TLL2: variants seen among roughly 807,000 people sequenced by gnomAD.
TLL2 encodes the protein tolloid-like protein 2.
Under a neutral mutation model 123.0 loss-of-function variants are expected in TLL2, and 106 were observed. That is an observed-to-expected ratio of 0.86 (90% CI 0.74 to 1.01). The LOEUF (loss-of-function observed/expected upper bound fraction) is 1.01, where lower values mean the gene tolerates loss of function less well. TLL2 is among the 50% of genes least tolerant of loss of function. The pLI, the probability that TLL2 is intolerant of heterozygous loss-of-function variation, is 0.00. For missense variants in TLL2, 1,332 were observed against 1,336.7 expected, an observed-to-expected ratio of 1.00 and a Z score of 0.06; for synonymous variants, 494 against 516.8, an observed-to-expected ratio of 0.96 and a Z score of 0.60.
chr10:96,476,240 A>AT (rs1554939630), intron 2 of TLL2, among the ~76,000 whole-genome samples: 1,616 of 20,472 alleles, frequency 0.079, 215 homozygotes, highest in Middle Eastern at 0.13. Flanking sequence ...ATATATATAT[A>AT]TTTTATTTTT....
At chr10:96,483,220 G>C (rs1383764698) in intron 1 of TLL2, among the ~76,000 whole-genome samples, 1 of 152,148 alleles carries the variant, frequency 6.6e-6, no homozygotes, top group Non-Finnish European at 1.5e-5. Flanking sequence ...CCCCCATGAA[G>C]GGCATATTCT....
Position 96,366,884 on chromosome 10 carries a change from TG to T in TLL2, c.*1203del, listed in dbSNP as rs745839020. ...GAAATGCCATTCAAAACTACCTCAC[TG>T]TTTAAATTATACCTTGAGGTGCTAA... On this transcript the variant is annotated 3_prime_UTR_variant, in exon 21 of 21. Transcript: ENST00000357947. The T allele has an allele frequency of 1.3e-5, 2 of 152,692 alleles. No homozygotes were observed. Among genetic ancestry groups the T allele is most frequent in the Non-Finnish European group, 2.9e-5 (2 of 68,048 alleles). 9.5% of individuals were successfully genotyped at this position (152,692 alleles called of 1,614,324 possible).
chr10:96,500,144 CA>C (rs57153896), intron 1 of TLL2, among the ~76,000 whole-genome samples: 12,676 of 120,798 alleles, frequency 0.1, 598 homozygotes, highest in Non-Finnish European at 0.11. Flanking sequence ...AAATCTCTAC[CA>C]AAAAAAAAAA....
At chr10:96,485,801 G>A (rs981841677) in intron 1 of TLL2, among the ~76,000 whole-genome samples, 7 of 152,156 alleles carry the variant, frequency 4.6e-5, no homozygotes, top group East Asian at 3.8e-4. Flanking sequence ...GATGGTTTCC[G>A]GCTGCCTGCG....
chr10:96,371,681 C>G (rs1233098717), intron 19 of TLL2, among the ~76,000 whole-genome samples: 1 of 152,202 alleles, frequency 6.6e-6, no homozygotes, highest in Non-Finnish European at 1.5e-5. Context: ...GACGCCTCCC[C>G]TCCATCCGGC....
At chr10:96,498,846 G>A (rs371580799) in intron 1 of TLL2, among the ~76,000 whole-genome samples, 22 of 152,182 alleles carry the variant, frequency 1.4e-4, no homozygotes, top group African/African-American at 4.1e-4. Flanking sequence ...CAGACTGGAA[G>A]GAGCTTGGAT....
At chr10:96,401,830 G>A (rs1405601474) in intron 10 of TLL2, among the ~76,000 whole-genome samples, 2 of 152,184 alleles carry the variant, frequency 1.3e-5, no homozygotes, top group East Asian at 3.9e-4. Flanking sequence ...CCCATTCCTG[G>A]GAGGTGGGGG....
Position 96,421,024 on chromosome 10 carries a change from T to G in TLL2, c.855A>C (p.Glu285Asp). The part of the protein sequence containing the change: ...EYNFLKMEAG[E>D]VSSLGETYDF... The stretch of plus-strand genomic sequence containing the variant: ...CGTATGTCTCTCCCAGAGAGCTCAC[T>G]TCCCCAGCTTCCATTTTTAAGAAAT... Residue 285 changes from glutamate (E) to aspartate (D), a missense_variant, in exon 7 of 21, where the codon GAA becomes GAC. Glu to Asp is a conservative substitution (Grantham distance 45). Coordinates refer to ENST00000357947, the MANE Select transcript of TLL2 (RefSeq NM_012465.4). 6.2e-7 allele frequency: 1 copy of G among 1,614,080 alleles called. No homozygotes were observed. Among genetic ancestry groups the G allele is most frequent in the Non-Finnish European group, 8.5e-7 (1 of 1,179,938 alleles).
intron 3 of TLL2, among the ~76,000 whole-genome samples, chr10:96,433,643 GATAA>G (rs1846766264): frequency 6.6e-6 from 1 of 152,154 alleles, no homozygotes; most frequent in Admixed American, 6.5e-5. Flanking sequence ...TCACCAGTCA[GATAA>G]TTTAAAATTT....
chr10:96,505,377 G>T (rs750621715), intron 1 of TLL2, among the ~76,000 whole-genome samples: 3 of 152,228 alleles, frequency 2.0e-5, no homozygotes, highest in Non-Finnish European at 4.4e-5. Context: ...GGGACACAAA[G>T]CCAGATCACT....
At chr10:96,389,315 G>A (rs899353204) in intron 13 of TLL2, among the ~76,000 whole-genome samples, 6 of 152,150 alleles carry the variant, frequency 3.9e-5, no homozygotes, top group South Asian at 2.1e-4. Flanking sequence ...ACAGACCATC[G>A]GCACACAGAA....
At chr10:96,504,788 C>G (rs369292039) in intron 1 of TLL2, among the ~76,000 whole-genome samples, 1 of 152,184 alleles carries the variant, frequency 6.6e-6, no homozygotes, top group Non-Finnish European at 1.5e-5. Flanking sequence ...GAGCAGATCA[C>G]GAGGTCAGGA....
intron 5 of TLL2, among the ~76,000 whole-genome samples, chr10:96,425,502 T>C (rs1846670922): frequency 6.6e-6 from 1 of 151,994 alleles, no homozygotes; most frequent in Non-Finnish European, 1.5e-5. Flanking sequence ...ATGCTTTCTA[T>C]TTTTACTTTT....
At chr10:96,469,300 C>T (rs1847156736) in intron 2 of TLL2, among the ~76,000 whole-genome samples, 1 of 152,266 alleles carries the variant, frequency 6.6e-6, no homozygotes, top group Non-Finnish European at 1.5e-5. Flanking sequence ...CTGACTCTTG[C>T]AGCCATCTTA....
intron 2 of TLL2, among the ~76,000 whole-genome samples, chr10:96,478,812 A>T (rs986905366): frequency 1.3e-5 from 2 of 152,066 alleles, no homozygotes; most frequent in African/African-American, 4.8e-5. Flanking sequence ...ACTGGGAGGG[A>T]TGTGAGGAGT....
intron 10 of TLL2, among the ~76,000 whole-genome samples, chr10:96,399,721 G>A (rs749639337): frequency 3.9e-5 from 6 of 152,180 alleles, no homozygotes; most frequent in Non-Finnish European, 7.4e-5. Flanking sequence ...AGACAGTGCC[G>A]GTTCACAAAA....
intron 10 of TLL2, among the ~76,000 whole-genome samples, chr10:96,398,669 G>A (rs1204486386): frequency 6.6e-6 from 1 of 152,122 alleles, no homozygotes; most frequent in Admixed American, 6.5e-5. Context: ...AGCCCAGGGC[G>A]AGGTGGGAGA....
intron 20 of TLL2, 77 bp from the exon 21 acceptor site, chr10:96,368,299 C>G (rs1846048331): frequency 6.5e-7 from 1 of 1,543,916 alleles, no homozygotes; most frequent in Admixed American, 1.7e-5. Flanking sequence ...GGGACAGGAT[C>G]TTATGCAAGG....
chr10:96,399,455 A>G (rs1393118272), intron 10 of TLL2, among the ~76,000 whole-genome samples: 1 of 152,178 alleles, frequency 6.6e-6, no homozygotes, highest in Non-Finnish European at 1.5e-5. Context: ...TTGGGGAAAC[A>G]TGGGGGTAAA....
Sources: allele counts gnomAD v4.1 joint callset (sites outside exome capture counted in the v4.1 genomes callset), GRCh38; gene constraint gnomAD v4.1.1; transcripts MANE v1.5; gene names NCBI Gene and HGNC (gene_info 2026-07-23, HGNC 2026-07-21).